KHDRBS2: variants seen among roughly 807,000 people sequenced by gnomAD.
KHDRBS2 encodes KH RNA binding domain containing, signal transduction associated 2.
Under a neutral mutation model 44.3 loss-of-function variants are expected in KHDRBS2, and 26 were observed. That is an observed-to-expected ratio of 0.59 (90% CI 0.43 to 0.81). The LOEUF is 0.81. KHDRBS2 is among the 40% of genes least tolerant of loss of function. KHDRBS2 has a pLI of 0.00. For missense variants in KHDRBS2, 476 were observed against 433.1 expected (o/e 1.10, Z -0.88); for synonymous variants, 194 against 151.1 (o/e 1.28, Z -2.08).
chr6:61,894,625 G>A lies in KHDRBS2; in HGVS notation c.810+10C>T. ...CTCATCCTTACAACTTATTTCTTAA[G>A]AGTACTTACATATTCTTCATAAGCT... On this transcript the variant is annotated intron_variant, in intron 6 of 8. Coordinates refer to ENST00000281156, the MANE Select transcript of KHDRBS2 (RefSeq NM_152688.4). The A allele has an allele frequency of 1.9e-6, 3 of 1,603,730 alleles. No homozygotes were observed. The highest frequency in any genetic ancestry group is 2.6e-6 in the Non-Finnish European group (3 of 1,174,960).
intron 6 of KHDRBS2, among the ~76,000 whole-genome samples, chr6:61,812,995 C>A (rs1289545501): frequency 1.3e-5 from 2 of 152,024 alleles, no homozygotes; most frequent in Admixed American, 6.6e-5. Context: ...CTCTCAAAAT[C>A]TAACATAGTT....
chr6:61,883,702 G>A (rs775054653), intron 6 of KHDRBS2, among the ~76,000 whole-genome samples: 4 of 152,016 alleles, frequency 2.6e-5, no homozygotes, highest in Non-Finnish European at 5.9e-5. Context: ...TCTATGAATA[G>A]TTGAACCATA....
At chr6:61,741,529 T>C (rs1471619858) in intron 6 of KHDRBS2, among the ~76,000 whole-genome samples, 2 of 151,962 alleles carry the variant, frequency 1.3e-5, no homozygotes, top group Non-Finnish European at 2.9e-5. Context: ...TACATGAGTA[T>C]ACTGTATTTT....
At chr6:61,713,016 A>G (rs1220746848) in intron 7 of KHDRBS2, among the ~76,000 whole-genome samples, 12 of 151,668 alleles carry the variant, frequency 7.9e-5, no homozygotes, top group African/African-American at 2.4e-4. Context: ...AAAGCTATTT[A>G]TAATGATTTA....
At chr6:61,929,874 C>T (rs1169217278) in intron 4 of KHDRBS2, among the ~76,000 whole-genome samples, 1 of 152,122 alleles carries the variant, frequency 6.6e-6, no homozygotes, top group African/African-American at 2.4e-5. Context: ...CCTCAGTCTC[C>T]TCATCCATTA....
intron 6 of KHDRBS2, among the ~76,000 whole-genome samples, chr6:61,885,215 T>C (rs542341314): frequency 2.0e-5 from 3 of 152,160 alleles, no homozygotes; most frequent in Admixed American, 6.6e-5. Flanking sequence ...GGAAACAAAA[T>C]TAAGGATTTT....
At chr6:61,706,753 G>A (rs1302803248) in intron 7 of KHDRBS2, among the ~76,000 whole-genome samples, 1 of 151,728 alleles carries the variant, frequency 6.6e-6, no homozygotes, top group Non-Finnish European at 1.5e-5. Flanking sequence ...AGGTATGCAT[G>A]AACAGAATAA....
At chr6:61,677,575 T>C (rs1766015254), downstream of KHDRBS2, among the ~76,000 whole-genome samples, 1 of 151,944 alleles carries the variant, frequency 6.6e-6, no homozygotes, top group African/African-American at 2.4e-5. Context: ...GTTTATCTTG[T>C]CTTACGGGGG....
At chr6:61,614,679 A>G in the KHDRBS2 span, among the ~76,000 whole-genome samples, 4 of 152,156 alleles carry the variant, frequency 2.6e-5, no homozygotes. Context: ...ATCATCATGA[A>G]CAACAGATTC....
intron 6 of KHDRBS2, among the ~76,000 whole-genome samples, chr6:61,893,796 G>A (rs1045682897): frequency 2.4e-4 from 36 of 152,014 alleles, no homozygotes; most frequent in African/African-American, 8.5e-4. Flanking sequence ...TATACCTAAT[G>A]TAAATGATGA....
chr6:61,924,498 T>C (rs1299035477), intron 4 of KHDRBS2, among the ~76,000 whole-genome samples: 1 of 152,070 alleles, frequency 6.6e-6, no homozygotes, highest in Non-Finnish European at 1.5e-5. Flanking sequence ...TAGTTACTTC[T>C]TTTTATCATG....
chr6:61,810,491 T>TA (rs1342636121), intron 6 of KHDRBS2, among the ~76,000 whole-genome samples: 1 of 152,130 alleles, frequency 6.6e-6, no homozygotes, highest in Non-Finnish European at 1.5e-5. Flanking sequence ...GGTCACAACA[T>TA]ACTTGTATAT....
chr6:61,709,780 G>C (rs1177289818), intron 7 of KHDRBS2, among the ~76,000 whole-genome samples: 1 of 151,548 alleles, frequency 6.6e-6, no homozygotes, highest in Non-Finnish European at 1.5e-5. Flanking sequence ...CATGCTTTTG[G>C]TACAAGTATA....
intron 6 of KHDRBS2, among the ~76,000 whole-genome samples, chr6:61,875,847 T>C (rs1234325039): frequency 6.6e-6 from 1 of 152,076 alleles, no homozygotes; most frequent in East Asian, 1.9e-4. Context: ...TTAAATGTTA[T>C]AATTACCCTC....
chr6:61,744,494 T>C (rs1562078616), intron 6 of KHDRBS2, among the ~76,000 whole-genome samples: 1 of 152,102 alleles, frequency 6.6e-6, no homozygotes, highest in Non-Finnish European at 1.5e-5. Context: ...ATTCTTGGCA[T>C]AACCAGCCAG....
chr6:61,863,382 G>A (rs543536628), intron 6 of KHDRBS2, among the ~76,000 whole-genome samples: 1 of 151,416 alleles, frequency 6.6e-6, no homozygotes, highest in African/African-American at 2.4e-5. Flanking sequence ...TGTGATGTTA[G>A]ATTATTAACT....
chr6:61,892,796 A>C (rs1673828291), intron 6 of KHDRBS2, among the ~76,000 whole-genome samples: 1 of 152,166 alleles, frequency 6.6e-6, no homozygotes, highest in South Asian at 2.1e-4. Flanking sequence ...TACCATAAAA[A>C]CCCTAGAAGA....
intron 2 of KHDRBS2, among the ~76,000 whole-genome samples, chr6:62,087,041 C>A (rs1798524952): frequency 6.6e-6 from 1 of 150,936 alleles, no homozygotes; most frequent in South Asian, 2.1e-4. Flanking sequence ...ACAAAAACAA[C>A]AAAAGAAGGA....
chr6:62,048,854 T>C (rs1788335703), intron 2 of KHDRBS2, among the ~76,000 whole-genome samples: 1 of 151,952 alleles, frequency 6.6e-6, no homozygotes, highest in Non-Finnish European at 1.5e-5. Context: ...GAACATAGAA[T>C]GCACCAAAAA....
Sources: gnomAD v4.1 joint callset for allele counts (sites outside exome capture counted in the v4.1 genomes callset) on GRCh38, gnomAD v4.1.1 for gene constraint, MANE v1.5 for transcripts, NCBI Gene and HGNC (gene_info 2026-07-23, HGNC 2026-07-21) for gene names.